Variants in OR3A2 observed in about 807,000 individuals in gnomAD.
OR3A2 encodes the protein olfactory receptor 3A2.
For synonymous variants in OR3A2, 126 were observed against 159.3 expected (o/e 0.79, Z 1.57); for missense variants, 318 against 392.8 (o/e 0.81, Z 1.61).
chr17:3,355,509 C>CTGT (rs571279535), intron 2 of OR3A2, among the ~76,000 whole-genome samples: 21,137 of 150,206 alleles, frequency 0.14, 2,173 homozygotes, highest in African/African-American at 0.25. Flanking sequence ...TACAGTGCTG[C>CTGT]GTACATATAT....
At chr17:3,368,096 G>A (rs998439853) in intron 2 of OR3A2, among the ~76,000 whole-genome samples, 1 of 151,808 alleles carries the variant, frequency 6.6e-6, no homozygotes, top group Non-Finnish European at 1.5e-5. Flanking sequence ...TTTTTTTCTT[G>A]CTGATTTGTT....
At chr17:3,323,569 T>C (rs1313350216) in intron 3 of OR3A2, among the ~76,000 whole-genome samples, 3 of 152,264 alleles carry the variant, frequency 2.0e-5, no homozygotes, top group East Asian at 1.9e-4. Context: ...ACAAAATCTC[T>C]CAGCATTTGC....
intron 3 of OR3A2, among the ~76,000 whole-genome samples, chr17:3,327,038 G>A (rs1480493889): frequency 2.4e-5 from 2 of 83,514 alleles, no homozygotes; most frequent in Non-Finnish European, 4.2e-5. Flanking sequence ...CTTTATAGCA[G>A]CATGATTTAT....
At chr17:3,348,866 G>T (rs1018101309) in intron 2 of OR3A2, among the ~76,000 whole-genome samples, 3 of 152,088 alleles carry the variant, frequency 2.0e-5, no homozygotes, top group Admixed American at 2.0e-4. Flanking sequence ...AAGAGAGTGG[G>T]GGCCAATATT....
At chr17:3,327,895 T>C (rs1050173030) in intron 3 of OR3A2, among the ~76,000 whole-genome samples, 29 of 141,936 alleles carry the variant, frequency 2.0e-4, no homozygotes, top group Non-Finnish European at 3.6e-4. Context: ...CTGAGGGCTC[T>C]GTTCTGTTCC....
intron 3 of OR3A2, among the ~76,000 whole-genome samples, chr17:3,331,602 A>G (rs1312763450): frequency 6.6e-6 from 1 of 151,714 alleles, no homozygotes; most frequent in Non-Finnish European, 1.5e-5. Context: ...TGGTTATTCT[A>G]CTTATACATT....
intron 3 of OR3A2, among the ~76,000 whole-genome samples, chr17:3,320,768 T>C (rs1340887404): frequency 5.9e-5 from 9 of 152,046 alleles, no homozygotes; most frequent in Non-Finnish European, 1.3e-4. Context: ...ACCATGCTGT[T>C]TTGGTTACTG....
intron 2 of OR3A2, among the ~76,000 whole-genome samples, chr17:3,358,893 C>A (rs9916687): frequency 0.14 from 21,260 of 151,282 alleles, 2,192 homozygotes; most frequent in African/African-American, 0.25. Flanking sequence ...GAAGAGTCCC[C>A]TTATTATTGT....
intron 2 of OR3A2, among the ~76,000 whole-genome samples, chr17:3,360,430 C>T (rs1447291894): frequency 4.6e-5 from 7 of 151,664 alleles, no homozygotes; most frequent in African/African-American, 1.2e-4. Flanking sequence ...AATTAGATCC[C>T]AGTTGTCAAT....
intron 3 of OR3A2, among the ~76,000 whole-genome samples, chr17:3,297,561 C>A (rs1285769643): frequency 6.6e-6 from 1 of 151,122 alleles, no homozygotes; most frequent in East Asian, 1.9e-4. Flanking sequence ...CTCTGCGGCA[C>A]TTTAATTGTA....
At chr17:3,299,969 A>G (rs1446247855) in intron 3 of OR3A2, among the ~76,000 whole-genome samples, 1 of 151,494 alleles carries the variant, frequency 6.6e-6, no homozygotes, top group African/African-American at 2.4e-5. Flanking sequence ...TTTCTGGACA[A>G]CTCTTTGACA....
intron 3 of OR3A2, among the ~76,000 whole-genome samples, chr17:3,331,169 C>T (rs1050101305): frequency 4.6e-5 from 7 of 152,090 alleles, no homozygotes; most frequent in African/African-American, 7.2e-5. Flanking sequence ...TGTTCAACTT[C>T]GGTGAATCTG....
chr17:3,306,366 C>T (rs74412019), intron 3 of OR3A2, among the ~76,000 whole-genome samples: 1,582 of 151,854 alleles, frequency 0.01, 29 homozygotes, highest in African/African-American at 0.036. Context: ...TGATCTAGAA[C>T]GCCTGGCCTC....
rs570670172 is a variant in OR3A2 at position 3,380,441 on chromosome 17, G to A, written c.-179+3363C>T. ...TTTCCCTGTCTATGACATGGGTGTT[G>A]GGTGGAATGATATCTAGGAATCATT... On this transcript the variant is annotated intron_variant, in intron 2 of 4. Coordinates refer to the OR3A2 transcript ENST00000573491. Among the ~76,000 whole-genome samples, 9 of 152,240 alleles carry A rather than the reference G, an allele frequency of 5.9e-5. No homozygotes were observed. In the East Asian group the frequency reaches 1.7e-3, roughly 29 times the overall value.
At chr17:3,328,914 G>T (rs373195379) in intron 3 of OR3A2, among the ~76,000 whole-genome samples, 1 of 151,306 alleles carries the variant, frequency 6.6e-6, no homozygotes, top group South Asian at 2.1e-4. Context: ...AGAGTTTTTA[G>T]CATGAAGTGT....
chr17:3,283,481 T>C (rs1041246902), intron 1 of OR3A2, among the ~76,000 whole-genome samples: 3 of 152,162 alleles, frequency 2.0e-5, no homozygotes, highest in African/African-American at 7.2e-5. Flanking sequence ...CACCTCAGCC[T>C]CCCAAAGTGC....
At chr17:3,302,231 T>A (rs2048971303) in intron 3 of OR3A2, among the ~76,000 whole-genome samples, 1 of 152,118 alleles carries the variant, frequency 6.6e-6, no homozygotes, top group Non-Finnish European at 1.5e-5. Flanking sequence ...TTCACAGAAT[T>A]GGAAAAAACT....
At chr17:3,307,701 G>C (rs949870594) in intron 3 of OR3A2, among the ~76,000 whole-genome samples, 30 of 152,186 alleles carry the variant, frequency 2.0e-4, no homozygotes, top group African/African-American at 7.0e-4. Flanking sequence ...CAAAGCGCTT[G>C]ACTGAGACTA....
chr17:3,292,337 T>C lies in OR3A2; in HGVS notation c.-84-13184A>G, dbSNP rs111595550. ...GGGACAGGAGACGACTCAACATTGA[T>C]GGAACAGTGACGCTGATGCACCCAA... is the stretch of plus-strand genomic sequence containing the variant. On this transcript the variant is annotated intron_variant, in intron 3 of 4. Transcript: ENST00000573491. 6.1e-3 allele frequency: 9,863 copies of C among 1,614,002 alleles called. 28 individuals are homozygous for C. Among genetic ancestry groups the C allele is most frequent in the Non-Finnish European group, 7.8e-3 (9,183 of 1,179,986 alleles).
Sources: gnomAD v4.1 joint callset for allele counts (sites outside exome capture counted in the v4.1 genomes callset) on GRCh38, gnomAD v4.1.1 for gene constraint, MANE v1.5 for transcripts, NCBI Gene and HGNC (gene_info 2026-07-23, HGNC 2026-07-21) for gene names.